EPB41L4B: variants seen among roughly 807,000 people sequenced by gnomAD.
EPB41L4B encodes the protein band 4.1-like protein 4B.
Under a neutral mutation model 112.5 loss-of-function variants are expected in EPB41L4B, and 30 were observed. That is an observed-to-expected ratio of 0.27 (90% CI 0.20 to 0.36). EPB41L4B has a LOEUF of 0.36. Ranked by LOEUF, EPB41L4B falls within the 10% of genes least tolerant of loss-of-function variation. EPB41L4B has a pLI of 1.00. For missense variants in EPB41L4B, 1,024 were observed against 1,133.3 expected, an observed-to-expected ratio of 0.90 and a Z score of 1.38; for synonymous variants, 408 against 439.7, an observed-to-expected ratio of 0.93 and a Z score of 0.90.
chr9:109,195,733 T>G (rs758392311), intron 20 of EPB41L4B, among the ~76,000 whole-genome samples: 15 of 152,184 alleles, frequency 9.9e-5, no homozygotes, highest in Non-Finnish European at 2.1e-4. Context: ...CTCAATAGCA[T>G]AGTTATTATT....
intron 12 of EPB41L4B, 135 bp downstream of exon 12, chr9:109,253,306 G>T: frequency 1.5e-6 from 1 of 648,610 alleles, no homozygotes; most frequent in Non-Finnish European, 2.7e-6. Context: ...GAACACCACT[G>T]GGATTATTTT....
chr9:109,240,829 T>A (rs750964209), intron 15 of EPB41L4B: 2 of 985,332 alleles, frequency 2.0e-6, no homozygotes, highest in Admixed American at 1.2e-4. Context: ...CACAATTATG[T>A]CTTCTGAAAT....
intron 7 of EPB41L4B, among the ~76,000 whole-genome samples, chr9:109,257,968 C>A (rs1835047372): frequency 6.6e-6 from 1 of 152,112 alleles, no homozygotes; most frequent in Non-Finnish European, 1.5e-5. Context: ...TGCACTCTGG[C>A]CTGGGCAACA....
intron 22 of EPB41L4B, among the ~76,000 whole-genome samples, chr9:109,187,719 T>C (rs1832319990): frequency 6.6e-6 from 1 of 152,040 alleles, no homozygotes; most frequent in South Asian, 2.1e-4. Flanking sequence ...TTGAAGAAAA[T>C]AAAAGCTGGC....
At chr9:109,279,265 C>T (rs1404866300) in intron 2 of EPB41L4B, among the ~76,000 whole-genome samples, 2 of 151,326 alleles carry the variant, frequency 1.3e-5, no homozygotes, top group Non-Finnish European at 1.5e-5. Flanking sequence ...ACTAGGGAGG[C>T]TGAGGTGGCA....
Position 109,251,485 on chromosome 9 carries a change from G to C in EPB41L4B, c.1306C>G (p.Leu436Val), listed in dbSNP as rs748028625. The change falls in exon 13 of 26, where the codon CTC becomes GTC. Residue 436 changes from leucine to valine, a missense_variant. Coordinates refer to ENST00000374566, the MANE Select transcript of EPB41L4B (RefSeq NM_019114.5). Reference sequence around the variant, plus strand: ...CTAGAGCTCAAGGACACTCACCAGAGCTGGGCTGCTATCACTGGGTTGCTT... The same window carrying C: ...CTAGAGCTCAAGGACACTCACCAGACCTGGGCTGCTATCACTGGGTTGCTT... ...KASNPVIAAQ[L>V]CSKTNPEVHN... 6.2e-7 allele frequency: 1 copy of C among 1,613,968 alleles called. No individual in the cohort carries two copies. The highest frequency in any genetic ancestry group is 2.2e-5 in the East Asian group (1 of 44,890).
chr9:109,198,925 CAAAAA>C (rs56042513), intron 20 of EPB41L4B, among the ~76,000 whole-genome samples: 1 of 106,878 alleles, frequency 9.4e-6, no homozygotes. Flanking sequence ...GGCTCTGTCT[CAAAAA>C]AAAAAAAAAA....
intron 16 of EPB41L4B, 55 bp from the exon 17 acceptor site, chr9:109,213,873 CA>C: frequency 6.5e-7 from 1 of 1,535,006 alleles, no homozygotes; most frequent in Non-Finnish European, 9.0e-7. Flanking sequence ...CAGATAGATA[CA>C]GGGGAAAAGG....
intron 22 of EPB41L4B, among the ~76,000 whole-genome samples, chr9:109,187,629 A>G (rs2118654726): frequency 6.6e-6 from 1 of 152,174 alleles, no homozygotes; most frequent in African/African-American, 2.4e-5. Flanking sequence ...CCATACTCCA[A>G]CCAGAAACAA....
At chr9:109,234,911 C>CT (rs1834086269) in intron 15 of EPB41L4B, among the ~76,000 whole-genome samples, 1 of 152,192 alleles carries the variant, frequency 6.6e-6, no homozygotes, top group Non-Finnish European at 1.5e-5. Context: ...CAGTGGTTCC[C>CT]TTTTGTTACT....
intron 22 of EPB41L4B, among the ~76,000 whole-genome samples, chr9:109,191,295 A>G (rs147800213): frequency 5.5e-4 from 84 of 152,292 alleles, no homozygotes; most frequent in African/African-American, 1.8e-3. Context: ...GCCTCAAAGG[A>G]TGCTTTATCC....
intron 11 of EPB41L4B, among the ~76,000 whole-genome samples, chr9:109,254,267 G>A (rs915976886): frequency 1.2e-4 from 18 of 152,268 alleles, no homozygotes; most frequent in East Asian, 5.8e-4. Flanking sequence ...TGTCCTTCCC[G>A]CCTCACTCCA....
chr9:109,250,468 T>C (rs1037903789), intron 13 of EPB41L4B, among the ~76,000 whole-genome samples: 1 of 152,202 alleles, frequency 6.6e-6, no homozygotes, highest in Non-Finnish European at 1.5e-5. Flanking sequence ...GAGAGCCTAA[T>C]GAACCTGGCC....
chr9:109,173,638 T>C lies in EPB41L4B; in HGVS notation c.*916A>G, dbSNP rs1831706519. The C allele has an allele frequency of 6.6e-6, 1 of 152,620 alleles. No homozygotes were observed. The allele number at this position is 152,620 out of a possible 1,614,324, so 9.5% of individuals were successfully genotyped here. A position where few individuals can be genotyped will look rare whatever the true frequency, so the allele number is the denominator to read the frequency against. On this transcript the variant is annotated 3_prime_UTR_variant, in exon 26 of 26. Transcript: ENST00000374566. ...CAACGATCATAGCTATGTAAAAATA[T>C]GTGTGTATTCATTGAGAAAGCTAGG...
rs948194936 is a variant in EPB41L4B at position 109,173,819 on chromosome 9, C to T, written c.*735G>A. On this transcript the variant is annotated 3_prime_UTR_variant, in exon 26 of 26. Coordinates refer to ENST00000374566, the MANE Select transcript of EPB41L4B (RefSeq NM_019114.5). ...AAGATTCTATCAATACGACATGAAT[C>T]GATCAACTTTAGAAATAATTTTCTG... 6.6e-6 allele frequency: 1 copy of T among 152,512 alleles called. No homozygotes were observed. Among genetic ancestry groups the T allele is most frequent in the African/African-American group, 2.4e-5 (1 of 41,436 alleles). 9.4% of individuals were successfully genotyped at this position (152,512 alleles called of 1,614,324 possible).
At chr9:109,176,529 G>C (rs144363770) in intron 25 of EPB41L4B, 22 bp downstream of exon 25, 3 of 1,584,720 alleles carry the variant, frequency 1.9e-6, no homozygotes, top group Non-Finnish European at 2.6e-6. Flanking sequence ...ATTACCTGTC[G>C]GAACCTGCTG....
chr9:109,236,614 C>A (rs1834151741), intron 15 of EPB41L4B, among the ~76,000 whole-genome samples: 1 of 152,206 alleles, frequency 6.6e-6, no homozygotes, highest in African/African-American at 2.4e-5. Flanking sequence ...CCACAATCCA[C>A]ATTTTTAGTA....
chr9:109,204,650 C>T (rs2203873), intron 18 of EPB41L4B, among the ~76,000 whole-genome samples: 52,540 of 151,924 alleles, frequency 0.35, 9,435 homozygotes, highest in East Asian at 0.49. Flanking sequence ...AACCACAACA[C>T]GCAGCTAATT....
rs1206908405 is a variant in EPB41L4B at position 109,207,978 on chromosome 9, C to T, written c.1824G>A (p.Val608=). The change falls in exon 18 of 26, where the codon GTG becomes GTA. Residue 608 remains valine, a synonymous_variant. Transcript: ENST00000374566. The part of the protein sequence containing the change: ...PLLPSPVADH[V]KCNILKAQLE... ...ACTGGGCTTTCAGAATGTTACACTT[C>T]ACATGATCCGCAACAGGGGAAGGCA... The T allele has an allele frequency of 6.2e-7, 1 of 1,614,206 alleles. No homozygotes were observed. Among genetic ancestry groups the T allele is most frequent in the East Asian group, 2.2e-5 (1 of 44,886 alleles).
Sources: gnomAD v4.1 joint callset for allele counts (sites outside exome capture counted in the v4.1 genomes callset) on GRCh38, gnomAD v4.1.1 for gene constraint, MANE v1.5 for transcripts, NCBI Gene and HGNC (gene_info 2026-07-23, HGNC 2026-07-21) for gene names.